RBFOX1: variants seen among roughly 807,000 people sequenced by gnomAD.
RBFOX1 encodes RNA binding fox-1 homolog 1, also known as RNA binding protein fox-1 homolog 1.
Under a neutral mutation model 57.7 loss-of-function variants are expected in RBFOX1, and 8 were observed. The ratio of observed to expected loss-of-function variants is 0.14; its 90% CI spans 0.08 to 0.25. The LOEUF is 0.25. Among genes scored for constraint, RBFOX1 ranks in the 10% least tolerant of loss-of-function variants. RBFOX1 has a pLI of 1.00. For missense variants in RBFOX1, 611 were observed against 548.5 expected (o/e 1.11, Z -1.14); for synonymous variants, 326 against 222.4 (o/e 1.47, Z -4.15).
chr16:6,463,024 C>T (rs545360777), intron 2 of RBFOX1, among the ~76,000 whole-genome samples: 1 of 152,230 alleles, frequency 6.6e-6, no homozygotes, highest in East Asian at 1.9e-4. Context: ...TTGAGTTTAT[C>T]TACAAGATCC....
chr16:5,643,950 T>C (rs1335655338), intron 3 of RBFOX1, among the ~76,000 whole-genome samples: 1 of 152,238 alleles, frequency 6.6e-6, no homozygotes, highest in Non-Finnish European at 1.5e-5. Flanking sequence ...GCCTATTTAA[T>C]TTCTTACATT....
chr16:7,676,719 A>G, intron 13 of RBFOX1, 55 bp from the exon 14 acceptor site: 1 of 1,459,832 alleles, frequency 6.9e-7, no homozygotes, highest in Non-Finnish European at 9.6e-7. Flanking sequence ...GCCACTGGGC[A>G]TCCCTGCATT....
intron 2 of RBFOX1, among the ~76,000 whole-genome samples, chr16:6,599,531 G>C (rs1165633183): frequency 6.6e-6 from 1 of 152,292 alleles, no homozygotes; most frequent in African/African-American, 2.4e-5. Flanking sequence ...CTAGTGGCTA[G>C]GAACTTCAGT....
chr16:6,322,709 C>G (rs1196982113), intron 2 of RBFOX1, among the ~76,000 whole-genome samples: 1 of 152,128 alleles, frequency 6.6e-6, no homozygotes, highest in Non-Finnish European at 1.5e-5. Flanking sequence ...ACACAGTTCT[C>G]TCACATGCAA....
intron 2 of RBFOX1, among the ~76,000 whole-genome samples, chr16:6,637,671 A>G (rs1005567892): frequency 6.7e-6 from 1 of 150,370 alleles, no homozygotes; most frequent in South Asian, 2.1e-4. Flanking sequence ...GTGAATTGGG[A>G]GCCAGATGAT....
intron 3 of RBFOX1, among the ~76,000 whole-genome samples, chr16:5,822,688 T>A (rs899113997): frequency 1.6e-4 from 24 of 152,226 alleles, no homozygotes; most frequent in Non-Finnish European, 2.9e-4. Flanking sequence ...TGGAATTATG[T>A]CTTCTTGGGT....
intron 4 of RBFOX1, among the ~76,000 whole-genome samples, chr16:7,152,403 G>A (rs185376186): frequency 2.2e-3 from 332 of 152,244 alleles, no homozygotes; most frequent in South Asian, 5.4e-3. Flanking sequence ...CCAACCCTTG[G>A]CTGACCCGAT....
intron 3 of RBFOX1, among the ~76,000 whole-genome samples, chr16:6,901,546 T>C (rs1168174955): frequency 6.6e-6 from 1 of 152,092 alleles, no homozygotes; most frequent in African/African-American, 2.4e-5. Context: ...CCAGAGAAGA[T>C]TTTTGTTTAT....
At chr16:6,918,891 G>T (rs2073851474) in intron 3 of RBFOX1, among the ~76,000 whole-genome samples, 1 of 152,192 alleles carries the variant, frequency 6.6e-6, no homozygotes, top group Non-Finnish European at 1.5e-5. Flanking sequence ...GGAGGAGAAA[G>T]TGGGGGTGGG....
At chr16:5,535,977 T>G (rs2044677309) in intron 2 of RBFOX1, among the ~76,000 whole-genome samples, 1 of 152,148 alleles carries the variant, frequency 6.6e-6, no homozygotes, top group Admixed American at 6.5e-5. Context: ...GATGAGTTAG[T>G]AAAAGTTTGT....
At chr16:6,913,502 C>A (rs1442842845) in intron 3 of RBFOX1, among the ~76,000 whole-genome samples, 1 of 152,138 alleles carries the variant, frequency 6.6e-6, no homozygotes, top group South Asian at 2.1e-4. Flanking sequence ...ACCCTCGGCC[C>A]CATCATCTGC....
At chr16:7,007,475 A>G (rs1381241301) in intron 3 of RBFOX1, among the ~76,000 whole-genome samples, 1 of 152,128 alleles carries the variant, frequency 6.6e-6, no homozygotes, top group Admixed American at 6.5e-5. Context: ...CATCTAGAAA[A>G]TCCTATTTGT....
intron 3 of RBFOX1, among the ~76,000 whole-genome samples, chr16:6,956,145 A>G (rs935170426): frequency 2.0e-5 from 3 of 152,256 alleles, no homozygotes; most frequent in Admixed American, 1.3e-4. Context: ...ACCTGGACAG[A>G]TTGCTAAGTC....
chr16:7,117,587 G>A (rs574214332), intron 4 of RBFOX1, among the ~76,000 whole-genome samples: 2 of 152,268 alleles, frequency 1.3e-5, no homozygotes, highest in South Asian at 4.1e-4. Context: ...TGAAAAATGG[G>A]AATAATTAAT....
rs569260925 is a variant in RBFOX1 at position 7,410,529 on chromosome 16, A to T, written c.28-107618A>T. ...AAACCCGGTCTCTACTAAAAATACA[A>T]AATTAGCTGGGAGTGGTGGTGCGTG... On this transcript the variant is annotated intron_variant, in intron 4 of 15. Transcript: ENST00000550418. Among the ~76,000 whole-genome samples, 253 of 152,210 alleles carry T rather than the reference A, an allele frequency of 1.7e-3. 1 individual carries two copies. The highest frequency in any genetic ancestry group is 5.8e-3 in the African/African-American group (240 of 41,548).
intron 3 of RBFOX1, among the ~76,000 whole-genome samples, chr16:6,827,648 C>T (rs920020051): frequency 1.3e-5 from 2 of 152,178 alleles, no homozygotes; most frequent in Non-Finnish European, 2.9e-5. Context: ...CACCTCCTTC[C>T]CCCTCCTCAC....
chr16:5,803,785 T>C (rs753789813), intron 3 of RBFOX1, among the ~76,000 whole-genome samples: 1 of 152,192 alleles, frequency 6.6e-6, no homozygotes, highest in Non-Finnish European at 1.5e-5. Flanking sequence ...TGCTCTACTA[T>C]GATTATGTTG....
chr16:6,106,880 C>T (rs2096387180), intron 1 of RBFOX1, among the ~76,000 whole-genome samples: 4 of 151,972 alleles, frequency 2.6e-5, no homozygotes, highest in South Asian at 4.2e-4. Flanking sequence ...ACTGTGTTAG[C>T]CAGGATGGTC....
chr16:6,895,979 G>C (rs2066810991), intron 3 of RBFOX1, among the ~76,000 whole-genome samples: 2 of 152,076 alleles, frequency 1.3e-5, no homozygotes, highest in African/African-American at 4.8e-5. Context: ...TTTTGATACA[G>C]GCATGCTGTG....
Sources: gnomAD v4.1 joint callset for allele counts (sites outside exome capture counted in the v4.1 genomes callset) on GRCh38, gnomAD v4.1.1 for gene constraint, MANE v1.5 for transcripts, NCBI Gene and HGNC (gene_info 2026-07-23, HGNC 2026-07-21) for gene names.